NT5DC2: variants seen among roughly 807,000 people sequenced by gnomAD.
NT5DC2 encodes the protein 5'-nucleotidase domain-containing protein 2.
In NT5DC2, 41 loss-of-function variants were observed where a neutral mutation model predicts 70.0. That is an observed-to-expected ratio of 0.59 (90% CI 0.46 to 0.76). The LOEUF (loss-of-function observed/expected upper bound fraction) is 0.76, where lower values mean the gene tolerates loss of function less well. Among genes scored for constraint, NT5DC2 ranks in the 30% least tolerant of loss-of-function variants. The pLI is 0.00. For synonymous variants in NT5DC2, 299 were observed against 310.4 expected, an observed-to-expected ratio of 0.96 and a Z score of 0.39; for missense variants, 705 against 783.2, an observed-to-expected ratio of 0.90 and a Z score of 1.19.
intron 1 of NT5DC2, among the ~76,000 whole-genome samples, chr3:52,532,979 G>A (rs2153244400): frequency 6.6e-6 from 1 of 152,280 alleles, no homozygotes; most frequent in South Asian, 2.1e-4. Flanking sequence ...GGGTGACTTG[G>A]CTTCTCCCAG....
At position 52,528,230 on chromosome 3, in the gene NT5DC2, C is replaced by T; in HGVS notation, c.724G>A (p.Gly242Ser). Residue 242 changes from glycine (G) to serine (S), a missense_variant, in exon 6 of 14, where the codon GGC becomes AGC. Transcript: ENST00000422318. Reference protein sequence around the residue: ...LLSCVVDYFLGHSLEFDQAHL... With the variant: ...LLSCVVDYFLSHSLEFDQAHL... ...GCTTGGTCAAACTCCAGGCTGTGGC[C>T]CAGAAAGTAGTCCACCACACAGGAC... 1 of 1,613,388 alleles carries T rather than the reference C, an allele frequency of 6.2e-7. No individual in the cohort carries two copies. The highest frequency in any genetic ancestry group is 8.5e-7 in the Non-Finnish European group (1 of 1,180,032).
At chr3:52,533,905 C>T (rs1400624398), upstream of NT5DC2, 2 of 917,396 alleles carry the variant, frequency 2.2e-6, no homozygotes. Context: ...GCCCCTCGGC[C>T]CGGGGGGCGG....
chr3:52,534,388 G>A, upstream of NT5DC2: 1 of 1,357,350 alleles, frequency 7.4e-7, no homozygotes, highest in Non-Finnish European at 1.0e-6. Flanking sequence ...GCGCTTCCCG[G>A]TGCCAGGCCC....
chr3:52,528,157 T>C, intron 6 of NT5DC2, 26 bp downstream of exon 6: 1 of 1,612,990 alleles, frequency 6.2e-7, no homozygotes, highest in South Asian at 1.1e-5. Flanking sequence ...TTTCCTGCCA[T>C]CCGAGGGCAG....
intron 9 of NT5DC2, 109 bp downstream of exon 9, chr3:52,527,508 C>T: frequency 6.9e-7 from 1 of 1,450,938 alleles, no homozygotes; most frequent in Non-Finnish European, 9.5e-7. Context: ...TCACCCCAAG[C>T]ACATTGGGCA....
At position 52,531,523 on chromosome 3, in the gene NT5DC2, T is replaced by TCCCAGGGG. The variant is rs1559741011; in HGVS notation, c.232+1975_232+1982dup. Among the ~76,000 whole-genome samples, 5 of 152,048 alleles carry TCCCAGGGG rather than the reference T, an allele frequency of 3.3e-5. 1 individual carries two copies. Among genetic ancestry groups the TCCCAGGGG allele is most frequent in the South Asian group, 2.1e-4 (1 of 4,822 alleles). On this transcript the variant is annotated intron_variant, in intron 1 of 13. Transcript: ENST00000422318. This position sits in a 1 kb window ranked among gnomAD's most constrained non-coding sequence, Gnocchi z 4.1. Reference sequence around the variant, plus strand: ...CCTTCACCTCTGCCCCTAAGGATGTTCCCAGGGGCCCAGGGGCAGACAGTC... The same window carrying TCCCAGGGG: ...CCTTCACCTCTGCCCCTAAGGATGTTCCCAGGGGCCCAGGGGCCCAGGGGCAGACAGTC...
chr3:52,524,771 G>C (rs763122523), intron 13 of NT5DC2, 40 bp from the exon 14 acceptor site: 3 of 1,612,548 alleles, frequency 1.9e-6, no homozygotes, highest in African/African-American at 1.3e-5. Flanking sequence ...GGTGGGCCTG[G>C]GGTGGTGGCT....
At chr3:52,530,229 C>T (rs1453967090) in intron 1 of NT5DC2, among the ~76,000 whole-genome samples, 2 of 152,206 alleles carry the variant, frequency 1.3e-5, no homozygotes, top group East Asian at 1.9e-4. Flanking sequence ...GGGATGTGGT[C>T]GTGGCCACCC....
At chr3:52,534,232 A>T (rs1180733730), upstream of NT5DC2, 4 of 474,508 alleles carry the variant, frequency 8.4e-6, no homozygotes, top group Non-Finnish European at 1.5e-5. Context: ...GATGCTTCTG[A>T]CCCCAGATCC....
intron 1 of NT5DC2, among the ~76,000 whole-genome samples, chr3:52,533,074 G>C (rs1307057919): frequency 6.6e-6 from 1 of 152,168 alleles, no homozygotes; most frequent in African/African-American, 2.4e-5. Context: ...GTCCCCTTTG[G>C]TCCGGCCGTC....
upstream of NT5DC2, chr3:52,534,905 C>G: frequency 2.0e-6 from 1 of 496,538 alleles, no homozygotes; most frequent in Non-Finnish European, 3.6e-6. Context: ...AGGATGGGCT[C>G]GAGTGTGGCG....
chr3:52,529,417 C>T lies in NT5DC2; in HGVS notation c.233-83G>A. ...TGGCTCCTGAGCACTCTGTGGGGAC[C>T]TAGCCCTGTGAGCCTCAGAAACGCC... On this transcript the variant is annotated intron_variant, in intron 1 of 13. Transcript: ENST00000422318. The surrounding 1 kb of genome is among the most constrained non-coding windows in gnomAD (Gnocchi z 4.1). The T allele has an allele frequency of 7.3e-7, 1 of 1,372,424 alleles. No individual in the cohort carries two copies. Among genetic ancestry groups the T allele is most frequent in the Non-Finnish European group, 1.0e-6 (1 of 990,596 alleles). 85.0% of individuals were successfully genotyped at this position (1,372,424 alleles called of 1,614,324 possible).
chr3:52,529,001 C>T lies in NT5DC2; in HGVS notation c.418-66G>A, dbSNP rs1403232533. 1 of 1,598,474 alleles carries T rather than the reference C, an allele frequency of 6.3e-7. No individual in the cohort carries two copies. Among genetic ancestry groups the T allele is most frequent in the African/African-American group, 1.3e-5 (1 of 74,524 alleles). On this transcript the variant is annotated intron_variant, in intron 2 of 13. Transcript: ENST00000422318. The surrounding 1 kb of genome is among the most constrained non-coding windows in gnomAD (Gnocchi z 4.1). ...CCAGACCTGCTGGCTGGGTGGCCAC[C>T]CCAGGGGGTCAATCCAGCCACCTGC...
chr3:52,533,403 C>A, intron 1 of NT5DC2, 103 bp downstream of exon 1: 1 of 1,243,170 alleles, frequency 8.0e-7, no homozygotes, highest in Admixed American at 2.8e-5. Context: ...CCCTGGCGAG[C>A]CCCACTGGGT....
chr3:52,534,027 C>T, upstream of NT5DC2: 1 of 223,710 alleles, frequency 4.5e-6, no homozygotes, highest in Non-Finnish European at 7.8e-6. Flanking sequence ...TCGGCCGTCA[C>T]GCCGGCGATG....
intron 10 of NT5DC2, chr3:52,526,047 C>A (rs1208065295): frequency 8.9e-6 from 1 of 112,638 alleles, no homozygotes; most frequent in African/African-American, 3.0e-5. Flanking sequence ...GACTGACAGA[C>A]TCCTAGTGAC....
At chr3:52,528,767 C>T (rs2079318668) in intron 3 of NT5DC2, 75 bp from the exon 4 acceptor site, 5 of 1,605,254 alleles carry the variant, frequency 3.1e-6, no homozygotes, top group Admixed American at 3.3e-5. Flanking sequence ...CTCTTTCAGC[C>T]CATGCCAGAA....
Position 52,533,833 on chromosome 3 carries a change from G to C in NT5DC2, c.-96C>G. On this transcript the variant is annotated 5_prime_UTR_variant, in exon 1 of 14. Coordinates refer to ENST00000422318, the MANE Select transcript of NT5DC2 (RefSeq NM_001134231.2). ...ACTGCGCGCCCGCCACGGTGGCCTC[G>C]TGCTCCTCACGGCGGCCGGCCAATG... 2.0e-6 allele frequency: 2 copies of C among 980,416 alleles called. No individual in the cohort carries two copies. The highest frequency in any genetic ancestry group is 2.4e-6 in the Non-Finnish European group (2 of 827,820). The allele number at this position is 980,416 out of a possible 1,614,324, so 60.7% of individuals were successfully genotyped here. A position where few individuals can be genotyped will look rare whatever the true frequency, so the allele number is the denominator to read the frequency against.
rs1304329538 is a variant in NT5DC2, at chr3:52,531,095, T to G, written c.233-1761A>C. On this transcript the variant is annotated intron_variant, in intron 1 of 13. Transcript: ENST00000422318. The surrounding 1 kb of genome is among the most constrained non-coding windows in gnomAD (Gnocchi z 4.1). ...TCAAGAGGCAGACATCTCGCTGATGTGCTCCGTGCCCAGAGCACTTGCCTC... is the reference window on the plus strand; with the variant it reads ...TCAAGAGGCAGACATCTCGCTGATGGGCTCCGTGCCCAGAGCACTTGCCTC... Among the ~76,000 whole-genome samples the G allele has an allele frequency of 6.6e-6, 1 of 152,248 alleles. No homozygotes were observed. Among genetic ancestry groups the G allele is most frequent in the Non-Finnish European group, 1.5e-5 (1 of 68,042 alleles).
Sources: allele counts gnomAD v4.1 joint callset (sites outside exome capture counted in the v4.1 genomes callset), GRCh38; gene constraint gnomAD v4.1.1; non-coding constraint Gnocchi (gnomAD v3.1); transcripts MANE v1.5; gene names NCBI Gene and HGNC (gene_info 2026-07-23, HGNC 2026-07-21).